Variants in ADAM12 observed in about 807,000 individuals in gnomAD.
ADAM12 encodes the protein disintegrin and metalloproteinase domain-containing protein 12.
ADAM12 carries 70 observed loss-of-function variants against 106.4 expected under a neutral mutation model. That is an observed-to-expected ratio of 0.66 (90% CI 0.54 to 0.80). The LOEUF (loss-of-function observed/expected upper bound fraction) is 0.80, where lower values mean the gene tolerates loss of function less well. ADAM12 is among the 30% of genes least tolerant of loss of function. ADAM12 has a pLI of 0.00. For missense variants in ADAM12, 1,010 were observed against 1,171.9 expected (o/e 0.86, Z 2.02); for synonymous variants, 420 against 433.5 (o/e 0.97, Z 0.39).
chr10:126,388,089 G>A lies in ADAM12; in HGVS notation c.57C>T (p.Ala19=), dbSNP rs772571839. 8.1e-7 allele frequency: 1 copy of A among 1,234,446 alleles called. No homozygotes were observed. Among genetic ancestry groups the A allele is most frequent in the Non-Finnish European group, 1.0e-6 (1 of 988,234 alleles). The allele number at this position is 1,234,446 out of a possible 1,614,324, so 76.5% of individuals were successfully genotyped here. A position where few individuals can be genotyped will look rare whatever the true frequency, so the allele number is the denominator to read the frequency against. ...CCTCGCAGGGCGCGAGCAGAGCACC[G>A]GCCAGGGCGAGCAGGAGGGCGCGGG... The part of the protein sequence containing the change: ...SPARALLLAL[A]GALLAPCEAR... Residue 19 remains alanine (A), a synonymous_variant, in exon 1 of 23, where the codon GCC becomes GCT. Coordinates refer to ENST00000448723, the MANE Select transcript of ADAM12 (RefSeq NM_001288973.2). The surrounding 1 kb of genome is among the most constrained non-coding windows in gnomAD (Gnocchi z 4.4).
chr10:126,271,574 G>A (rs1959176268), intron 3 of ADAM12, among the ~76,000 whole-genome samples: 1 of 152,198 alleles, frequency 6.6e-6, no homozygotes. Context: ...AGACTGGTCT[G>A]GGCAACATGG....
intron 3 of ADAM12, among the ~76,000 whole-genome samples, chr10:126,222,095 G>A (rs962680864): frequency 1.3e-5 from 2 of 152,172 alleles, no homozygotes; most frequent in African/African-American, 4.8e-5. Context: ...CACGTCACAC[G>A]TGAACATAGG....
intron 2 of ADAM12, among the ~76,000 whole-genome samples, chr10:126,329,907 G>A (rs1854442299): frequency 6.6e-6 from 1 of 152,020 alleles, no homozygotes; most frequent in Non-Finnish European, 1.5e-5. Context: ...AACGCACCAA[G>A]ATATTAAATT....
chr10:126,341,453 T>C (rs1473779795), intron 1 of ADAM12, among the ~76,000 whole-genome samples: 1 of 152,210 alleles, frequency 6.6e-6, no homozygotes, highest in Non-Finnish European at 1.5e-5. Context: ...GATGAGTGAT[T>C]GACTTTTAGC....
intron 3 of ADAM12, among the ~76,000 whole-genome samples, chr10:126,269,374 G>T (rs576519918): frequency 1.0e-3 from 152 of 152,308 alleles, no homozygotes; most frequent in African/African-American, 3.3e-3. Context: ...AGATGGAGTT[G>T]CTCTGGTTCA....
intron 1 of ADAM12, among the ~76,000 whole-genome samples, chr10:126,381,672 C>CA (rs1554878305): frequency 6.6e-6 from 1 of 150,474 alleles, no homozygotes; most frequent in Admixed American, 6.6e-5. Flanking sequence ...ATTTTTGTAT[C>CA]TTTTTTTTTA....
intron 3 of ADAM12, among the ~76,000 whole-genome samples, chr10:126,202,507 C>G (rs998856155): frequency 6.7e-6 from 1 of 150,076 alleles, no homozygotes; most frequent in African/African-American, 2.5e-5. Flanking sequence ...ACTTCTCTCT[C>G]TCTCTCTCTC....
At chr10:126,225,391 T>C (rs1484574060) in intron 3 of ADAM12, among the ~76,000 whole-genome samples, 1 of 152,054 alleles carries the variant, frequency 6.6e-6, no homozygotes, top group Non-Finnish European at 1.5e-5. Flanking sequence ...AGTGTTCCCA[T>C]TTTGCCGGTG....
chr10:126,287,355 G>C (rs1488112737), intron 2 of ADAM12, among the ~76,000 whole-genome samples: 2 of 152,120 alleles, frequency 1.3e-5, no homozygotes, highest in East Asian at 3.9e-4. Flanking sequence ...TTATCAGAAA[G>C]CAACCTGGAA....
chr10:126,241,392 C>A (rs1395368648), intron 3 of ADAM12, among the ~76,000 whole-genome samples: 1 of 152,176 alleles, frequency 6.6e-6, no homozygotes, highest in Non-Finnish European at 1.5e-5. Flanking sequence ...TGAATCACAT[C>A]TCAATTAGAA....
At chr10:126,270,210 G>A (rs1019986749) in intron 3 of ADAM12, among the ~76,000 whole-genome samples, 1 of 152,104 alleles carries the variant, frequency 6.6e-6, no homozygotes, top group Non-Finnish European at 1.5e-5. Flanking sequence ...CATCAAAGTG[G>A]GCAGAGATGA....
chr10:126,037,126 TTTC>T (rs1954074533), intron 20 of ADAM12, among the ~76,000 whole-genome samples: 1 of 152,172 alleles, frequency 6.6e-6, no homozygotes, highest in African/African-American at 2.4e-5. Flanking sequence ...TACTCTGGCT[TTTC>T]TTCTTTTACT....
chr10:126,125,205 C>A (rs574601395), intron 5 of ADAM12, among the ~76,000 whole-genome samples: 1 of 151,724 alleles, frequency 6.6e-6, no homozygotes, highest in Admixed American at 6.6e-5. Context: ...CCCCATGAGC[C>A]AGGCTCTCGA....
chr10:126,321,682 G>A (rs1854099100), intron 2 of ADAM12, among the ~76,000 whole-genome samples: 1 of 152,162 alleles, frequency 6.6e-6, no homozygotes, highest in African/African-American at 2.4e-5. Flanking sequence ...AGACAGGGAG[G>A]GAGAGAGCGC....
intron 1 of ADAM12, among the ~76,000 whole-genome samples, chr10:126,332,725 C>T (rs1045741479): frequency 2.0e-5 from 3 of 152,090 alleles, no homozygotes; most frequent in Non-Finnish European, 4.4e-5. Flanking sequence ...TTTCCTTTTC[C>T]GTAAAATGAG....
At position 126,014,804 on chromosome 10, in the gene ADAM12, C is replaced by T. The variant is rs1233679899; in HGVS notation, c.*2475G>A. The T allele has an allele frequency of 6.6e-6, 1 of 151,320 alleles. No homozygotes were observed. Among genetic ancestry groups the T allele is most frequent in the Non-Finnish European group, 1.5e-5 (1 of 67,888 alleles). The allele number at this position is 151,320 out of a possible 1,614,324, so 9.4% of individuals were successfully genotyped here. ...TGATGGCCCTACAAAACTCAAACCA[C>T]CTCTATTATTCATGCCTATACAGTC... On this transcript the variant is annotated 3_prime_UTR_variant, in exon 23 of 23. Transcript: ENST00000448723.
chr10:126,101,337 C>G (rs930935909), intron 8 of ADAM12, 96 bp from the exon 9 acceptor site: 68 of 1,264,276 alleles, frequency 5.4e-5, no homozygotes, highest in Non-Finnish European at 7.4e-5. Context: ...TTGAGGGTCA[C>G]TGACACAGGT....
chr10:126,152,268 AT>A (rs1285864402), intron 4 of ADAM12, among the ~76,000 whole-genome samples: 2 of 152,016 alleles, frequency 1.3e-5, no homozygotes, highest in African/African-American at 4.8e-5. Flanking sequence ...ATAATGTCTA[AT>A]CTTTAATGCT....
chr10:126,224,318 G>A (rs557398002), intron 3 of ADAM12, among the ~76,000 whole-genome samples: 92 of 152,298 alleles, frequency 6.0e-4, no homozygotes, highest in African/African-American at 2.1e-3. Context: ...AGTCCCAGGA[G>A]AAAGAAGAGC....
Sources: gnomAD v4.1 joint callset for allele counts (sites outside exome capture counted in the v4.1 genomes callset) on GRCh38, gnomAD v4.1.1 for gene constraint, Gnocchi (gnomAD v3.1) non-coding constraint, MANE v1.5 for transcripts, NCBI Gene and HGNC (gene_info 2026-07-23, HGNC 2026-07-21) for gene names.